The following TTN variants were observed in gnomAD, a reference collection of about 807,000 sequenced individuals.
TTN encodes titin.
In TTN, 1,525 loss-of-function variants were observed where a neutral mutation model predicts 3,223.0. The observed-to-expected ratio is 0.47, with a 90% CI of 0.45 to 0.49. The LOEUF (loss-of-function observed/expected upper bound fraction) is 0.49. Among genes scored for constraint, TTN ranks in the 20% least tolerant of loss-of-function variants. The probability of loss-of-function intolerance (pLI) is 0.00; values close to 1 mark genes in which losing one functional copy is unlikely to be tolerated. For missense variants in TTN, 40,786 were observed against 43,424.0 expected (o/e 0.94, Z 5.40); for synonymous variants, 14,094 against 15,161.0 (o/e 0.93, Z 5.17).
chr2:178,578,317 A>G, intron 321 of TTN, 132 bp from the exon 322 acceptor site: 1 of 868,064 alleles, frequency 1.2e-6, no homozygotes, highest in Non-Finnish European at 1.7e-6. Flanking sequence ...CTATACTTTT[A>G]TTACCCAAGC....
intron 97 of TTN, 61 bp from the exon 98 acceptor site, chr2:178,710,983 G>A (rs2076574312): frequency 1.3e-6 from 2 of 1,552,146 alleles, no homozygotes; most frequent in South Asian, 1.3e-5. Flanking sequence ...TCAGTTTACT[G>A]AAATAGAAAT....
In TTN at chr2:178,684,311, A is replaced by C; in HGVS notation, c.32722+19T>G. On this transcript the variant is annotated intron_variant, in intron 132 of 362. Transcript: ENST00000589042. ...GTAGGGCAAGTACAATATTGTGCATAATGGAAGGGCGGATGTACCTCTTGC... is the reference window on the plus strand; with the variant it reads ...GTAGGGCAAGTACAATATTGTGCATCATGGAAGGGCGGATGTACCTCTTGC... 1 of 1,611,542 alleles carries C rather than the reference A, an allele frequency of 6.2e-7. No individual in the cohort carries two copies. Among genetic ancestry groups the C allele is most frequent in the Non-Finnish European group, 8.5e-7 (1 of 1,178,720 alleles).
chr2:178,654,507 A>C lies in TTN; in HGVS notation c.38234T>G (p.Val12745Gly). 1 of 1,194,782 alleles carries C rather than the reference A, an allele frequency of 8.4e-7. No homozygotes were observed. Among genetic ancestry groups the C allele is most frequent in the Non-Finnish European group, 1.2e-6 (1 of 868,390 alleles). The allele number at this position is 1,194,782 out of a possible 1,614,324, so 74.0% of individuals were successfully genotyped here. A position where few individuals can be genotyped will look rare whatever the true frequency, so the allele number is the denominator to read the frequency against. Residue 12745 changes from valine to glycine, a missense_variant, in exon 192 of 363, where the codon GTG becomes GGG. By Grantham distance (109) the Val-to-Gly change is moderately radical. Coordinates refer to ENST00000589042, the MANE Select transcript of TTN (RefSeq NM_001267550.2). The stretch of plus-strand genomic sequence containing the variant: ...CACCGGTACTTTCTTTTCTGGGACC[A>C]CTTCCTTCGGTGGCAGCACTTCAGG... ...EVPEVLPPKE[V>G]VPEKKVPVPP...
chr2:178,762,852 C>T (rs532567538), intron 43 of TTN, among the ~76,000 whole-genome samples: 8 of 152,258 alleles, frequency 5.3e-5, no homozygotes, highest in African/African-American at 1.7e-4. Context: ...GCCCCAGTTA[C>T]CTGGCAGCCA....
At position 178,764,816 on chromosome 2, in the gene TTN, G is replaced by A; in HGVS notation, c.9704-5C>T. On this transcript the variant is annotated splice_region_variant and splice_polypyrimidine_tract_variant and intron_variant, in intron 41 of 362. Transcript: ENST00000589042. ...GAACTTGGGGCGGTTCAGGAGCTAG[G>A]AGTAAATGTTGACAAATAGCCCATG... is the stretch of plus-strand genomic sequence containing the variant. The A allele has an allele frequency of 6.2e-7, 1 of 1,612,516 alleles. No individual in the cohort carries two copies. The highest frequency in any genetic ancestry group is 1.1e-5 in the South Asian group (1 of 90,990).
chr2:178,609,302 G>A lies in TTN; in HGVS notation c.52008C>T (p.Val17336=). The change falls in exon 273 of 363, where the codon GTC becomes GTT. Residue 17336 remains valine (V), a synonymous_variant. Transcript: ENST00000589042. ...NSKKGESQLR[V]RDSLRPDHGL... The stretch of plus-strand genomic sequence containing the variant: ...CATGGTCAGGTCGGAGAGAATCTCG[G>A]ACGCGTAGCTGAGATTCTCCCTTTT... 1 of 1,602,842 alleles carries A rather than the reference G, an allele frequency of 6.2e-7. No homozygotes were observed. Among genetic ancestry groups the A allele is most frequent in the East Asian group, 2.2e-5 (1 of 44,498 alleles).
At position 178,651,812 on chromosome 2, in the gene TTN, A is replaced by G. The variant is rs918888546; in HGVS notation, c.39380-63T>C. The G allele has an allele frequency of 5.6e-6, 9 of 1,603,642 alleles. No homozygotes were observed. The African/African-American group carries it at 1.2e-4, about 22-fold the overall frequency. ...ATTGAGAAACAAGACAAAAGCTCAG[A>G]GCACCCAGAATTATCAGGGCAGGAA... is the stretch of plus-strand genomic sequence containing the variant. On this transcript the variant is annotated intron_variant, in intron 205 of 362. Transcript: ENST00000589042.
chr2:178,799,673 C>G lies in TTN; in HGVS notation c.728G>C (p.Gly243Ala). Residue 243 changes from glycine to alanine, a missense_variant, in exon 6 of 363, where the codon GGT becomes GCT. Gly to Ala is a moderately conservative substitution (Grantham distance 60). Coordinates refer to ENST00000589042, the MANE Select transcript of TTN (RefSeq NM_001267550.2). The stretch of plus-strand genomic sequence containing the variant: ...ATGTGGCAGCTGTTGCCCAGCGGCA[C>G]CATCTATGACCATCTCAACTGTTGC... ...SIATVEMVID[G>A]AAGQQLPHKT... 6.2e-7 allele frequency: 1 copy of G among 1,614,112 alleles called. No homozygotes were observed. The highest frequency in any genetic ancestry group is 8.5e-7 in the Non-Finnish European group (1 of 1,180,016).
chr2:178,715,989 T>C (rs1349768223), intron 88 of TTN, among the ~76,000 whole-genome samples: 3 of 152,126 alleles, frequency 2.0e-5, no homozygotes, highest in Non-Finnish European at 4.4e-5. Context: ...GTATTATTAC[T>C]AAAAGAAGGA....
chr2:178,616,689 C>T (rs1224851151), intron 256 of TTN, 40 bp downstream of exon 256: 1 of 1,611,714 alleles, frequency 6.2e-7, no homozygotes, highest in Non-Finnish European at 8.5e-7. Context: ...TTTGTTAATA[C>T]TGCCAAATCA....
chr2:178,570,613 A>T lies in TTN; in HGVS notation c.75519T>A (p.Asp25173Glu). 6.2e-7 allele frequency: 1 copy of T among 1,613,456 alleles called. No homozygotes were observed. Among genetic ancestry groups the T allele is most frequent in the Non-Finnish European group, 8.5e-7 (1 of 1,179,632 alleles). ...TDFATSLSVK[D>E]AVRVDSGNYI... ...AATTTCCACTGTCGACACGTACTGCATCTTTTACACTGAGACTGGTGGCAA... is the reference window on the plus strand; with the variant it reads ...AATTTCCACTGTCGACACGTACTGCTTCTTTTACACTGAGACTGGTGGCAA... The change falls in exon 326 of 363, where the codon GAT becomes GAA. Residue 25173 changes from aspartate to glutamate, a missense_variant. Physicochemically the swap from Asp to Glu is conservative, Grantham distance 45 (BLOSUM62 2). Transcript: ENST00000589042.
chr2:178,727,754 A>T lies in TTN; in HGVS notation c.19824T>A (p.Phe6608Leu). ...CTGAGACAAGTTCCACATCATCCTTAAACCATTTTATTTTAAATGGTGGTG... is the reference window on the plus strand; with the variant it reads ...CTGAGACAAGTTCCACATCATCCTTTAACCATTTTATTTTAAATGGTGGTG... ...KGTPPFKIKW[F>L]KDDVELVSGP... is the part of the protein sequence containing the mutation. The change falls in exon 68 of 363, where the codon TTT becomes TTA. Residue 6608 changes from phenylalanine to leucine, a missense_variant. Coordinates refer to ENST00000589042, the MANE Select transcript of TTN (RefSeq NM_001267550.2). 1 of 1,613,366 alleles carries T rather than the reference A, an allele frequency of 6.2e-7. No homozygotes were observed. Among genetic ancestry groups the T allele is most frequent in the Non-Finnish European group, 8.5e-7 (1 of 1,179,462 alleles).
At position 178,594,561 on chromosome 2, in the gene TTN, A is replaced by G. The variant is rs554555894; in HGVS notation, c.57933T>C (p.Asp19311=). The G allele has an allele frequency of 4.3e-5, 70 of 1,613,212 alleles. 1 individual carries two copies. Among genetic ancestry groups the G allele is most frequent in the South Asian group, 2.5e-4 (23 of 91,046 alleles). ...VTLTWNPPKY[D]GGSEIINYVL... ...CATAGTTAATAATTTCTGACCCACC[A>G]TCATACTTAGGAGGATTCCAAGTCA... Residue 19311 remains aspartate (D), a synonymous_variant, in exon 296 of 363, where the codon GAT becomes GAC. Coordinates refer to ENST00000589042, the MANE Select transcript of TTN (RefSeq NM_001267550.2).
At position 178,557,564 on chromosome 2, in the gene TTN, GA is replaced by G; in HGVS notation, c.87707-10del. ...TGGTGGTCCAGGTGTTGCTACAAAA[GA>G]GAGAAATCCTATAGATTAGTACAGA... is the stretch of plus-strand genomic sequence containing the variant. On this transcript the variant is annotated splice_polypyrimidine_tract_variant and intron_variant, in intron 328 of 362. Coordinates refer to ENST00000589042, the MANE Select transcript of TTN (RefSeq NM_001267550.2). 1 of 1,608,562 alleles carries G rather than the reference GA, an allele frequency of 6.2e-7. No homozygotes were observed. The highest frequency in any genetic ancestry group is 8.5e-7 in the Non-Finnish European group (1 of 1,177,796).
At chr2:178,654,369 A>T (rs2063677846) in intron 192 of TTN, 76 bp downstream of exon 192, 1 of 1,551,456 alleles carries the variant, frequency 6.4e-7, no homozygotes, top group Admixed American at 1.9e-5. Context: ...AGCAAATACA[A>T]CTTGTGAGAT....
chr2:178,747,656 C>T lies in TTN; in HGVS notation c.11311+5468G>A, dbSNP rs72648907. 0.048 allele frequency: 78,137 copies of T among 1,613,178 alleles called. 2,243 individuals carry two copies. Among genetic ancestry groups the T allele is most frequent in the Non-Finnish European group, 0.059 (69,916 of 1,179,536 alleles). On this transcript the variant is annotated intron_variant, in intron 47 of 362. Coordinates refer to ENST00000589042, the MANE Select transcript of TTN (RefSeq NM_001267550.2). Reference sequence around the variant, plus strand: ...GGTGTCTTTAGTTTCAGGAACCTCACGCTTTCCAGCAGCAAGTAAATATTG... The same window carrying T: ...GGTGTCTTTAGTTTCAGGAACCTCATGCTTTCCAGCAGCAAGTAAATATTG...
rs769529924 is a variant in TTN, at chr2:178,554,878, T to C, written c.88581A>G (p.Arg29527=). 4 of 1,613,800 alleles carry C rather than the reference T, an allele frequency of 2.5e-6. No homozygotes were observed. Among genetic ancestry groups the C allele is most frequent in the African/African-American group, 1.3e-5 (1 of 74,934 alleles). The change falls in exon 331 of 363, where the codon AGA becomes AGG. Residue 29527 remains arginine, a synonymous_variant. Coordinates refer to ENST00000589042, the MANE Select transcript of TTN (RefSeq NM_001267550.2). ...TTCAGCACCTACCAAGGATCTGTAC[T>C]CTGATGGTGGCTGAGGCTGAGCCCA... ...NAMGSASATI[R]VQILDKPGPP...
In TTN at chr2:178,555,000, C is replaced by G. The variant is rs200899806; in HGVS notation, c.88459G>C (p.Val29487Leu). 6.2e-7 allele frequency: 1 copy of G among 1,613,544 alleles called. No individual in the cohort carries two copies. The highest frequency in any genetic ancestry group is 8.5e-7 in the Non-Finnish European group (1 of 1,179,786). The change falls in exon 331 of 363, where the codon GTG (valine) becomes CTG (leucine). Residue 29487 changes from valine (V) to leucine (L), a missense_variant. Val to Leu is a conservative substitution (Grantham distance 32). Coordinates refer to ENST00000589042, the MANE Select transcript of TTN (RefSeq NM_001267550.2). ...DDKELQTNALVCVENTTDLAS... is the reference protein window; with the variant it reads ...DDKELQTNALLCVENTTDLAS... Reference sequence around the variant, plus strand: ...AGGTCCGTGGTATTTTCAACACACACCAGTGCATTGGTTTGTAATTCTTTA... The same window carrying G: ...AGGTCCGTGGTATTTTCAACACACAGCAGTGCATTGGTTTGTAATTCTTTA...
chr2:178,605,995 C>A (rs2054692429), intron 278 of TTN, among the ~76,000 whole-genome samples: 1 of 151,908 alleles, frequency 6.6e-6, no homozygotes, highest in Non-Finnish European at 1.5e-5. Flanking sequence ...ACCTTTGTAA[C>A]TGGGGATGCT....
Sources: allele counts gnomAD v4.1 joint callset (sites outside exome capture counted in the v4.1 genomes callset), GRCh38; gene constraint gnomAD v4.1.1; transcripts MANE v1.5; gene names NCBI Gene and HGNC (gene_info 2026-07-23, HGNC 2026-07-21).